AGAP1: variants seen among roughly 807,000 people sequenced by gnomAD.
AGAP1 encodes the protein ArfGAP with GTPase domain, ankyrin repeat and PH domain 1.
In AGAP1, 29 loss-of-function variants were observed where a neutral mutation model predicts 105.3. That is an observed-to-expected ratio of 0.28 (90% CI 0.21 to 0.38). The LOEUF (loss-of-function observed/expected upper bound fraction) is 0.38, where lower values mean the gene tolerates loss of function less well. Ranked by LOEUF, AGAP1 falls within the 10% of genes least tolerant of loss-of-function variation. AGAP1 has a pLI of 1.00. For synonymous variants in AGAP1, 509 were observed against 485.9 expected, an observed-to-expected ratio of 1.05 and a Z score of -0.63; for missense variants, 998 against 1,165.1, an observed-to-expected ratio of 0.86 and a Z score of 2.09.
Position 236,120,494 on chromosome 2 carries a change from T to A in AGAP1, c.2370+47T>A, listed in dbSNP as rs2059874630. On this transcript the variant is annotated intron_variant, in intron 17 of 17. Transcript: ENST00000304032. This position sits in a 1 kb window ranked among gnomAD's most constrained non-coding sequence, Gnocchi z 6.0. ...CAGAGGACGGGGCCACAGGAGGCAC[T>A]CTCTGCTTTGTTCTGCTTCCGTGGG... 2 of 1,606,718 alleles carry A rather than the reference T, an allele frequency of 1.2e-6. No homozygotes were observed. Among genetic ancestry groups the A allele is most frequent in the Non-Finnish European group, 8.5e-7 (1 of 1,177,574 alleles).
chr2:235,704,639 C>G (rs1056291942), intron 1 of AGAP1, among the ~76,000 whole-genome samples: 1 of 145,554 alleles, frequency 6.9e-6, no homozygotes, highest in Non-Finnish European at 1.5e-5. Context: ...AGCGAGACTC[C>G]GTCTCAAAAA....
intron 11 of AGAP1, among the ~76,000 whole-genome samples, chr2:235,917,062 AGT>A (rs1190083138): frequency 7.9e-5 from 12 of 152,240 alleles, no homozygotes; most frequent in Admixed American, 3.3e-4. Context: ...TTGTCTCTAA[AGT>A]GTGTCTTTGT....
intron 1 of AGAP1, among the ~76,000 whole-genome samples, chr2:235,572,488 A>G (rs1944561121): frequency 6.6e-6 from 1 of 151,996 alleles, no homozygotes; most frequent in South Asian, 2.1e-4. Flanking sequence ...TCTGTCCTCT[A>G]GATGTCCTGC....
At chr2:235,825,336 A>G (rs555889518) in intron 9 of AGAP1, among the ~76,000 whole-genome samples, 4 of 152,380 alleles carry the variant, frequency 2.6e-5, no homozygotes, top group African/African-American at 7.2e-5. Flanking sequence ...AGCTGCCACC[A>G]TGGTGGCTGT....
chr2:235,905,309 G>A lies in AGAP1; in HGVS notation c.1156-3429G>A, dbSNP rs1239139098. ...GCATTAAGGAAGAAAGTTATAGCAAGTTGATATTTTTAAAGGAGTAACTGT... is the reference window on the plus strand; with the variant it reads ...GCATTAAGGAAGAAAGTTATAGCAAATTGATATTTTTAAAGGAGTAACTGT... On this transcript the variant is annotated intron_variant, in intron 10 of 17. Transcript: ENST00000304032. The surrounding 1 kb of genome is among the most constrained non-coding windows in gnomAD (Gnocchi z 4.2). 6.6e-6 allele frequency among the ~76,000 whole-genome samples: 1 copy of A among 152,162 alleles called. No individual in the cohort carries two copies. Among genetic ancestry groups the A allele is most frequent in the Non-Finnish European group, 1.5e-5 (1 of 68,030 alleles).
Position 235,578,522 on chromosome 2 carries a change from T to G in AGAP1, c.163+83673T>G, listed in dbSNP as rs1199457106. On this transcript the variant is annotated intron_variant, in intron 1 of 17. Coordinates refer to ENST00000304032, the MANE Select transcript of AGAP1 (RefSeq NM_001037131.3). This position sits in a 1 kb window ranked among gnomAD's most constrained non-coding sequence, Gnocchi z 4.9. ...AAATTACAGACTGGACGCAGTGGCT[T>G]ATGCCACCCCAGCACTTTGGGAGGC... 6.6e-6 allele frequency among the ~76,000 whole-genome samples: 1 copy of G among 152,306 alleles called. No individual in the cohort carries two copies. Among genetic ancestry groups the G allele is most frequent in the East Asian group, 1.9e-4 (1 of 5,172 alleles).
At chr2:235,913,705 C>A (rs1455054458) in intron 11 of AGAP1, among the ~76,000 whole-genome samples, 1 of 152,182 alleles carries the variant, frequency 6.6e-6, no homozygotes, top group Non-Finnish European at 1.5e-5. Context: ...CTCAAATGAA[C>A]TAAAGAGTAA....
intron 16 of AGAP1, among the ~76,000 whole-genome samples, chr2:236,057,584 A>C (rs968747935): frequency 6.0e-5 from 9 of 151,086 alleles, no homozygotes; most frequent in Admixed American, 2.0e-4. Context: ...TCACGTAACC[A>C]CATCCTGCTC....
At position 235,773,144 on chromosome 2, in the gene AGAP1, G is replaced by A. The variant is rs573767218; in HGVS notation, c.673+22656G>A. On this transcript the variant is annotated intron_variant, in intron 6 of 17. Transcript: ENST00000304032. ...TACACTCCACAGGGTGGGAGCAGCC[G>A]GAGCATAGGGGCTCAAGAACCCAGT... is the stretch of plus-strand genomic sequence containing the variant. Among the ~76,000 whole-genome samples the A allele has an allele frequency of 1.7e-4, 26 of 152,280 alleles. No individual in the cohort carries two copies. The East Asian group carries it at 2.7e-3, about 16-fold the overall frequency.
intron 15 of AGAP1, among the ~76,000 whole-genome samples, chr2:236,041,393 T>C (rs2125681949): frequency 6.6e-6 from 1 of 152,254 alleles, no homozygotes; most frequent in Non-Finnish European, 1.5e-5. Context: ...TCTTGTTTTT[T>C]TTTGGTCTTA....
At position 235,865,928 on chromosome 2, in the gene AGAP1, G is replaced by A. The variant is rs2049147083; in HGVS notation, c.1051-17417G>A. On this transcript the variant is annotated intron_variant, in intron 9 of 17. Coordinates refer to ENST00000304032, the MANE Select transcript of AGAP1 (RefSeq NM_001037131.3). This position sits in a 1 kb window ranked among gnomAD's most constrained non-coding sequence, Gnocchi z 6.2. The stretch of plus-strand genomic sequence containing the variant: ...ATTGGGATGTGTTTTTGCACACAAC[G>A]AATGATTTCTATGTTATCGATTTAC... Among the ~76,000 whole-genome samples, 1 of 152,162 alleles carries A rather than the reference G, an allele frequency of 6.6e-6. No homozygotes were observed. The highest frequency in any genetic ancestry group is 1.9e-4 in the East Asian group (1 of 5,192).
intron 10 of AGAP1, among the ~76,000 whole-genome samples, chr2:235,890,952 A>AAAAAAAAC (rs769338135): frequency 6.6e-6 from 1 of 150,662 alleles, no homozygotes; most frequent in Admixed American, 6.6e-5. Context: ...CAAAAAAAAA[A>AAAAAAAAC]ACACCTCAGT....
At chr2:235,670,976 C>G in intron 1 of AGAP1, 1 of 1,319,082 alleles carries the variant, frequency 7.6e-7, no homozygotes, top group Non-Finnish European at 9.6e-7. Context: ...CTCGCGGCCA[C>G]GCGGCTACTT....
At chr2:235,678,413 G>A (rs983959911) in intron 1 of AGAP1, among the ~76,000 whole-genome samples, 2 of 152,280 alleles carry the variant, frequency 1.3e-5, no homozygotes, top group East Asian at 3.9e-4. Context: ...GAAACTTAAA[G>A]GAAAAAGATT....
chr2:235,861,608 C>T (rs533640084), intron 9 of AGAP1, among the ~76,000 whole-genome samples: 1 of 152,352 alleles, frequency 6.6e-6, no homozygotes, highest in African/African-American at 2.4e-5. Context: ...GCAGGGCAGC[C>T]TCTGCCTGTG....
chr2:235,624,392 T>C (rs746985669), intron 1 of AGAP1, among the ~76,000 whole-genome samples: 4 of 152,206 alleles, frequency 2.6e-5, no homozygotes, highest in African/African-American at 4.8e-5. Context: ...CAGTAGATGG[T>C]GCTCTGTGTG....
intron 1 of AGAP1, among the ~76,000 whole-genome samples, chr2:235,583,553 ATTTTTTTTTTTT>A (rs763297542): frequency 3.1e-5 from 4 of 128,464 alleles, no homozygotes; most frequent in Non-Finnish European, 6.5e-5. Context: ...TACCTGGCTA[ATTTTTTTTTTTT>A]TTTTTTTTTG....
rs1387229011 is a variant in AGAP1, at chr2:235,872,267, A to G, written c.1051-11078A>G. Among the ~76,000 whole-genome samples, 1 of 152,198 alleles carries G rather than the reference A, an allele frequency of 6.6e-6. No individual in the cohort carries two copies. The highest frequency in any genetic ancestry group is 1.5e-5 in the Non-Finnish European group (1 of 68,036). On this transcript the variant is annotated intron_variant, in intron 9 of 17. Coordinates refer to ENST00000304032, the MANE Select transcript of AGAP1 (RefSeq NM_001037131.3). The surrounding 1 kb of genome is among the most constrained non-coding windows in gnomAD (Gnocchi z 4.5). The stretch of plus-strand genomic sequence containing the variant: ...CCCAATATTGCATAGAAATAAAAAA[A>G]AAAAGTTCTAAATAAATGCCGAAGC...
At chr2:235,521,508 A>T (rs1432589697) in intron 1 of AGAP1, among the ~76,000 whole-genome samples, 2 of 151,622 alleles carry the variant, frequency 1.3e-5, no homozygotes, top group African/African-American at 4.9e-5. Flanking sequence ...TCTCTTTTAA[A>T]TATAAGCAAA....
Sources: allele counts gnomAD v4.1 joint callset (sites outside exome capture counted in the v4.1 genomes callset), GRCh38; gene constraint gnomAD v4.1.1; non-coding constraint Gnocchi (gnomAD v3.1); transcripts MANE v1.5; gene names NCBI Gene and HGNC (gene_info 2026-07-23, HGNC 2026-07-21).